MYBPC1: variants seen among roughly 807,000 people sequenced by gnomAD.
The protein encoded by MYBPC1 is myosin binding protein C1.
Under a neutral mutation model 147.1 loss-of-function variants are expected in MYBPC1, and 52 were observed. That is an observed-to-expected ratio of 0.35 (90% CI 0.28 to 0.45). The LOEUF is 0.45. Ranked by LOEUF, MYBPC1 falls within the 20% of genes least tolerant of loss-of-function variation. MYBPC1 has a pLI of 1.00. For missense variants in MYBPC1, 1,228 were observed against 1,440.3 expected (o/e 0.85, Z 2.39); for synonymous variants, 477 against 475.9 (o/e 1.00, Z -0.03).
intron 1 of MYBPC1, among the ~76,000 whole-genome samples, chr12:101,608,287 G>T (rs1229493188): frequency 1.3e-5 from 2 of 152,150 alleles, no homozygotes; most frequent in Non-Finnish European, 2.9e-5. Flanking sequence ...TTTTTAGGTT[G>T]TCCCTTAAAA....
chr12:101,647,909 C>A, intron 13 of MYBPC1, 136 bp from the exon 14 acceptor site: 1 of 697,334 alleles, frequency 1.4e-6, no homozygotes, highest in Admixed American at 2.2e-5. Flanking sequence ...AAAACAAAAA[C>A]CTCACTTACT....
At chr12:101,611,544 A>G (rs1360616915) in intron 1 of MYBPC1, among the ~76,000 whole-genome samples, 1 of 152,204 alleles carries the variant, frequency 6.6e-6, no homozygotes, top group African/African-American at 2.4e-5. Context: ...TCCAACCACC[A>G]AAAGAAGCCC....
chr12:101,667,277 C>G (rs1247185794), intron 22 of MYBPC1, among the ~76,000 whole-genome samples: 5 of 68,096 alleles, frequency 7.3e-5, no homozygotes, highest in Non-Finnish European at 4.1e-5. Flanking sequence ...AGTAAATCAG[C>G]CAAGATAAAA....
intron 1 of MYBPC1, among the ~76,000 whole-genome samples, chr12:101,606,203 AACACACACACAC>A (rs113061042): frequency 6.9e-6 from 1 of 145,784 alleles, no homozygotes; most frequent in African/African-American, 2.5e-5. Flanking sequence ...TCAAAAAAGA[AACACACACACAC>A]ACACACACAC....
chr12:101,670,123 CCACACA>C lies in MYBPC1; in HGVS notation c.2525-171_2525-166del, dbSNP rs58177042. ...CTGTTAAAACATCTCTGTGTGGAAACCACACACACACACACACACACACACACACAC... is the reference window on the plus strand; with the variant it reads ...CTGTTAAAACATCTCTGTGTGGAAACCACACACACACACACACACACACAC... On this transcript the variant is annotated intron_variant, in intron 23 of 31. Transcript: ENST00000361466. Among the ~76,000 whole-genome samples, 991 of 146,308 alleles carry C rather than the reference CCACACA, an allele frequency of 6.8e-3. 2 individuals are homozygous for C. The highest frequency in any genetic ancestry group is 0.01 in the Non-Finnish European group (687 of 66,380).
chr12:101,621,204 C>T (rs756357685), intron 3 of MYBPC1, among the ~76,000 whole-genome samples: 1 of 152,158 alleles, frequency 6.6e-6, no homozygotes, highest in African/African-American at 2.4e-5. Context: ...TTTCTCCATG[C>T]TTAATCTATG....
intron 1 of MYBPC1, among the ~76,000 whole-genome samples, chr12:101,604,536 T>A (rs549123674): frequency 6.6e-6 from 1 of 152,310 alleles, no homozygotes; most frequent in South Asian, 2.1e-4. Context: ...CCTCAGAGCC[T>A]TATTTTTTCC....
chr12:101,614,461 G>T (rs1479832954), intron 1 of MYBPC1, 35 bp from the exon 2 acceptor site: 2 of 1,613,208 alleles, frequency 1.2e-6, no homozygotes, highest in Admixed American at 3.3e-5. Flanking sequence ...TGTGATAAAT[G>T]AGCCTGACAT....
chr12:101,606,466 A>AT (rs34796532), intron 1 of MYBPC1, among the ~76,000 whole-genome samples: 4,377 of 141,234 alleles, frequency 0.031, 166 homozygotes, highest in South Asian at 0.11. Flanking sequence ...TCAATTTAGT[A>AT]TTTTTTTTTT....
In MYBPC1 at chr12:101,644,763, A is replaced by T; in HGVS notation, c.932A>T (p.Tyr311Phe). 1 of 1,614,120 alleles carries T rather than the reference A, an allele frequency of 6.2e-7. No individual in the cohort carries two copies. Among genetic ancestry groups the T allele is most frequent in the African/African-American group, 1.3e-5 (1 of 75,074 alleles). The change falls in exon 12 of 32, where the codon TAT becomes TTT. Residue 311 changes from tyrosine to phenylalanine, a missense_variant. Tyr to Phe is a conservative substitution (Grantham distance 22). This residue lies in a region of MYBPC1 where 1,077 missense variants were observed against 1,314.2 expected (regional missense o/e 0.82). Coordinates refer to ENST00000361466, the MANE Select transcript of MYBPC1 (RefSeq NM_002465.4). The part of the protein sequence containing the change: ...LADPKLEVKW[Y>F]KNGQEIRPST... ...GATCCAAAGTTGGAGGTGAAATGGT[A>T]TAAAAATGGTCAAGAAATTCGACCC...
intron 29 of MYBPC1, 141 bp downstream of exon 29, chr12:101,680,670 A>C: frequency 1.1e-6 from 1 of 936,224 alleles, no homozygotes. Context: ...GGGCAAGGGA[A>C]GCAGGGAGGG....
At chr12:101,688,280 G>A (rs1180784200), downstream of MYBPC1, among the ~76,000 whole-genome samples, 5 of 152,092 alleles carry the variant, frequency 3.3e-5, no homozygotes, top group Non-Finnish European at 5.9e-5. Flanking sequence ...TTAGTTGGGC[G>A]TGGTGGCACA....
At chr12:101,602,306 C>T (rs1186063402) in intron 1 of MYBPC1, among the ~76,000 whole-genome samples, 1 of 152,168 alleles carries the variant, frequency 6.6e-6, no homozygotes, top group African/African-American at 2.4e-5. Flanking sequence ...CCTTCACCTC[C>T]CTGGTTCAAG....
intron 3 of MYBPC1, among the ~76,000 whole-genome samples, chr12:101,623,909 T>C (rs1415034860): frequency 6.6e-6 from 1 of 152,218 alleles, no homozygotes; most frequent in African/African-American, 2.4e-5. Flanking sequence ...GAAATACCTA[T>C]ACCGGGCAAA....
rs146441484 is a variant in MYBPC1, at chr12:101,604,957, C to T, written c.26-9539C>T. On this transcript the variant is annotated intron_variant, in intron 1 of 31. Coordinates refer to ENST00000361466, the MANE Select transcript of MYBPC1 (RefSeq NM_002465.4). Reference sequence around the variant, plus strand: ...TGGGTCACCAAAATGCAGGTTCAGCCCCTTAAGTGACCTCCTTAAATTTTG... The same window carrying T: ...TGGGTCACCAAAATGCAGGTTCAGCTCCTTAAGTGACCTCCTTAAATTTTG... 4.3e-3 allele frequency among the ~76,000 whole-genome samples: 660 copies of T among 152,262 alleles called. 6 individuals carry two copies. Among genetic ancestry groups the T allele is most frequent in the African/African-American group, 0.015 (608 of 41,550 alleles).
intron 10 of MYBPC1, among the ~76,000 whole-genome samples, chr12:101,637,404 T>C (rs1455976291): frequency 2.0e-5 from 3 of 152,132 alleles, no homozygotes; most frequent in Admixed American, 6.6e-5. Context: ...TTTTATAAGA[T>C]TTCTCTCCAT....
intron 1 of MYBPC1, 131 bp downstream of exon 1, chr12:101,595,226 C>A: frequency 2.3e-6 from 2 of 871,344 alleles, no homozygotes; most frequent in Non-Finnish European, 3.6e-6. Context: ...AGGAAACGAT[C>A]TTTTAGATTA....
chr12:101,614,554 A>T (rs200745424), intron 2 of MYBPC1, 23 bp downstream of exon 2: 27 of 1,612,274 alleles, frequency 1.7e-5, no homozygotes, highest in Non-Finnish European at 2.3e-5. Context: ...ACTCACTCAC[A>T]CACGTTTGGG....
intron 22 of MYBPC1, 148 bp from the exon 23 acceptor site, chr12:101,667,584 A>G: frequency 1.2e-6 from 1 of 818,410 alleles, no homozygotes; most frequent in South Asian, 1.5e-5. Context: ...CCACCCATGT[A>G]GTCGGAGTCC....
Sources: allele counts gnomAD v4.1 joint callset (sites outside exome capture counted in the v4.1 genomes callset), GRCh38; gene constraint gnomAD v4.1.1; regional missense constraint gnomAD v4.1.1; transcripts MANE v1.5; gene names NCBI Gene and HGNC (gene_info 2026-07-23, HGNC 2026-07-21).